The following APOBEC3G variants were observed in gnomAD, a reference collection of about 807,000 sequenced individuals.
APOBEC3G encodes apolipoprotein B mRNA editing enzyme catalytic subunit 3G.
APOBEC3G carries 44 observed loss-of-function variants against 50.0 expected under a neutral mutation model. The ratio of observed to expected loss-of-function variants is 0.88; its 90% CI spans 0.69 to 1.13. The LOEUF is 1.13. APOBEC3G is among the 50% of genes most tolerant of loss of function. APOBEC3G has a pLI of 0.00. For missense variants in APOBEC3G, 469 were observed against 492.0 expected, an observed-to-expected ratio of 0.95 and a Z score of 0.44; for synonymous variants, 156 against 175.3, an observed-to-expected ratio of 0.89 and a Z score of 0.87.
rs923440157 is a variant in APOBEC3G at position 39,086,516 on chromosome 22, C to T, written c.973C>T (p.Leu325=). The change falls in exon 6 of 8, where the codon CTG becomes TTG. Residue 325 remains leucine (L), a synonymous_variant. Transcript: ENST00000407997. ...YDDQGRCQEG[L]RTLAEAGAKI... The stretch of plus-strand genomic sequence containing the variant: ...TGATCAAGGAAGATGTCAGGAGGGG[C>T]TGCGCACCCTGGCCGAGGCTGGGGC... 1.2e-6 allele frequency: 2 copies of T among 1,612,880 alleles called. No homozygotes were observed. The highest frequency in any genetic ancestry group is 2.7e-5 in the African/African-American group (2 of 74,892).
chr22:39,086,883 T>C, intron 6 of APOBEC3G, 128 bp from the exon 7 acceptor site: 1 of 1,191,306 alleles, frequency 8.4e-7, no homozygotes, highest in Non-Finnish European at 1.2e-6. Flanking sequence ...GCTAAGTCCC[T>C]AGGGGAGGGA....
chr22:39,083,585 A>T, intron 4 of APOBEC3G, 146 bp from the exon 5 acceptor site: 2 of 917,274 alleles, frequency 2.2e-6, no homozygotes, highest in Non-Finnish European at 3.3e-6. Flanking sequence ...AGTGAGTGGG[A>T]GCCCCTTCTG....
chr22:39,077,514 C>G (rs1308647787), intron 1 of APOBEC3G, 136 bp downstream of exon 1: 14 of 1,463,574 alleles, frequency 9.6e-6, no homozygotes, highest in African/African-American at 1.4e-5. Flanking sequence ...CCCTGCACCC[C>G]CTACTCCCAG....
At chr22:39,087,367 C>T (rs753435735) in intron 7 of APOBEC3G, 40 bp from the exon 8 acceptor site, 5 of 1,613,970 alleles carry the variant, frequency 3.1e-6, no homozygotes, top group African/African-American at 1.3e-5. Context: ...ACTTTCCACT[C>T]GCTCACCCTT....
At chr22:39,080,804 G>C (rs1455587241) in intron 2 of APOBEC3G, 129 bp from the exon 3 acceptor site, 3 of 823,406 alleles carry the variant, frequency 3.6e-6, no homozygotes, top group African/African-American at 3.5e-5. Context: ...CGAACAGGGG[G>C]ATGGAGGAAA....
At chr22:39,080,855 C>A in intron 2 of APOBEC3G, 78 bp from the exon 3 acceptor site, 1 of 1,221,276 alleles carries the variant, frequency 8.2e-7, no homozygotes, top group Non-Finnish European at 1.1e-6. Flanking sequence ...CTGTCCTGGC[C>A]CCTCCTCCCC....
At chr22:39,086,724 C>T (rs1928712199) in intron 6 of APOBEC3G, among the ~76,000 whole-genome samples, 157 bp downstream of exon 6, 1 of 150,288 alleles carries the variant, frequency 6.7e-6, no homozygotes, top group Admixed American at 6.6e-5. Context: ...ACTTTGGGGT[C>T]GACGGGAAGA....
chr22:39,083,697 T>C (rs1282921884), intron 4 of APOBEC3G, 34 bp from the exon 5 acceptor site: 1 of 1,609,198 alleles, frequency 6.2e-7, no homozygotes, highest in Admixed American at 1.7e-5. Flanking sequence ...CCAGGAGGGC[T>C]CTTACTCCTC....
At position 39,081,158 on chromosome 22, in the gene APOBEC3G, G is replaced by A; in HGVS notation, c.397G>A (p.Glu133Lys). 1 of 1,614,266 alleles carries A rather than the reference G, an allele frequency of 6.2e-7. No individual in the cohort carries two copies. Among genetic ancestry groups the A allele is most frequent in the Non-Finnish European group, 8.5e-7 (1 of 1,180,054 alleles). ...CTACTTCTGGGACCCAGATTACCAG[G>A]AGGCGCTTCGCAGCCTGTGTCAGAA... is the stretch of plus-strand genomic sequence containing the variant. ...LYYFWDPDYQEALRSLCQKRD... is the reference protein window; with the variant it reads ...LYYFWDPDYQKALRSLCQKRD... The change falls in exon 3 of 8, where the codon GAG becomes AAG. Residue 133 changes from glutamate to lysine, a missense_variant. Coordinates refer to ENST00000407997, the MANE Select transcript of APOBEC3G (RefSeq NM_021822.4).
At chr22:39,078,273 A>C (rs1051798199) in intron 1 of APOBEC3G, among the ~76,000 whole-genome samples, 1 of 152,178 alleles carries the variant, frequency 6.6e-6, no homozygotes, top group African/African-American at 2.4e-5. Context: ...AGAAAAAAAA[A>C]CAAAAACAAA....
intron 3 of APOBEC3G, 41 bp from the exon 4 acceptor site, chr22:39,081,430 G>A: frequency 2.5e-6 from 4 of 1,598,698 alleles, no homozygotes; most frequent in Non-Finnish European, 3.4e-6. Context: ...ACAGAAGAGA[G>A]GCCAGCTGGG....
intron 5 of APOBEC3G, among the ~76,000 whole-genome samples, chr22:39,085,605 G>A (rs1049584537): frequency 2.6e-5 from 4 of 152,154 alleles, no homozygotes; most frequent in African/African-American, 7.2e-5. Flanking sequence ...GTAAAAATCC[G>A]GTCAGGTGTG....
At chr22:39,077,217 C>T (rs1466816508), upstream of APOBEC3G, 27 of 1,422,592 alleles carry the variant, frequency 1.9e-5, no homozygotes, top group Non-Finnish European at 2.6e-5. Flanking sequence ...TACACCAGCG[C>T]CTGAGCAGGA....
At position 39,086,538 on chromosome 22, in the gene APOBEC3G, G is replaced by C; in HGVS notation, c.995G>C (p.Gly332Ala). 6.2e-7 allele frequency: 1 copy of C among 1,609,516 alleles called. No individual in the cohort carries two copies. The highest frequency in any genetic ancestry group is 2.2e-5 in the East Asian group (1 of 44,776). ...GGGCTGCGCACCCTGGCCGAGGCTG[G>C]GGCCAAAATTTCAATAATGACATAC... ...QEGLRTLAEAGAKISIMTYSE... is the reference protein window; with the variant it reads ...QEGLRTLAEAAAKISIMTYSE... The change falls in exon 6 of 8, where the codon GGG becomes GCG. Residue 332 changes from glycine (G) to alanine (A), a missense_variant. Physicochemically the swap from Gly to Ala is moderately conservative, Grantham distance 60. Transcript: ENST00000407997.
Position 39,080,933 on chromosome 22 carries a change from G to T in APOBEC3G, c.172G>T (p.Val58Leu). 1 of 1,612,350 alleles carries T rather than the reference G, an allele frequency of 6.2e-7. No homozygotes were observed. Among genetic ancestry groups the T allele is most frequent in the Non-Finnish European group, 8.5e-7 (1 of 1,178,940 alleles). The stretch of plus-strand genomic sequence containing the variant: ...TGCCCTGACCCTGCTCCTCTCCCAG[G>T]TGTATTCCGAACTTAAGTACCACCC... Reference protein sequence around the residue: ...PLDAKIFRGQVYSELKYHPEM... With the variant: ...PLDAKIFRGQLYSELKYHPEM... The change falls in exon 3 of 8, where the codon GTG becomes TTG. Residue 58 changes from valine (V) to leucine (L), a missense_variant and splice_region_variant. Coordinates refer to ENST00000407997, the MANE Select transcript of APOBEC3G (RefSeq NM_021822.4).
rs1486509712 is a variant in APOBEC3G, at chr22:39,081,156, A to G, written c.395A>G (p.Gln132Arg). 2 of 1,614,246 alleles carry G rather than the reference A, an allele frequency of 1.2e-6. No homozygotes were observed. Among genetic ancestry groups the G allele is most frequent in the Non-Finnish European group, 1.7e-6 (2 of 1,180,052 alleles). The part of the protein sequence containing the change: ...RLYYFWDPDY[Q>R]EALRSLCQKR... ...TACTACTTCTGGGACCCAGATTACC[A>G]GGAGGCGCTTCGCAGCCTGTGTCAG... The change falls in exon 3 of 8, where the codon CAG becomes CGG. Residue 132 changes from glutamine (Q) to arginine (R), a missense_variant. Transcript: ENST00000407997.
chr22:39,077,299 G>A lies in APOBEC3G; in HGVS notation c.-63G>A. The A allele has an allele frequency of 6.4e-7, 1 of 1,554,378 alleles. No homozygotes were observed. The highest frequency in any genetic ancestry group is 2.4e-5 in the East Asian group (1 of 41,486). ...AGGGCTGTCCTAAAACCAGAAGCTTGGAGCAGAAAGTGAAACCCTGGTGCT... is the reference window on the plus strand; with the variant it reads ...AGGGCTGTCCTAAAACCAGAAGCTTAGAGCAGAAAGTGAAACCCTGGTGCT... On this transcript the variant is annotated 5_prime_UTR_variant, in exon 1 of 8. Coordinates refer to ENST00000407997, the MANE Select transcript of APOBEC3G (RefSeq NM_021822.4).
Position 39,087,496 on chromosome 22 carries a change from T to C in APOBEC3G, c.*75T>C. ...GAATAAAAGATCTTCTTCCAAGAAA[T>C]GCAAACAGGCTGTTCACCACCATCT... On this transcript the variant is annotated 3_prime_UTR_variant, in exon 8 of 8. Coordinates refer to ENST00000407997, the MANE Select transcript of APOBEC3G (RefSeq NM_021822.4). The C allele has an allele frequency of 6.2e-7, 1 of 1,612,932 alleles. No homozygotes were observed. The highest frequency in any genetic ancestry group is 8.5e-7 in the Non-Finnish European group (1 of 1,178,956).
rs1022627760 is a variant in APOBEC3G, at chr22:39,087,740, T to C, written c.*319T>C. On this transcript the variant is annotated 3_prime_UTR_variant, in exon 8 of 8. Coordinates refer to ENST00000407997, the MANE Select transcript of APOBEC3G (RefSeq NM_021822.4). ...AATAAAATGAAATACTAAATCTTTC[T>C]GTATATGTTTCCCTGTGTGATTGTA... The C allele has an allele frequency of 1.5e-5, 6 of 400,536 alleles. No individual in the cohort carries two copies. The highest frequency in any genetic ancestry group is 1.0e-4 in the African/African-American group (5 of 49,264). 24.8% of individuals were successfully genotyped at this position (400,536 alleles called of 1,614,324 possible). A position where few individuals can be genotyped will look rare whatever the true frequency, so the allele number is the denominator to read the frequency against.
Sources: gnomAD v4.1 joint callset for allele counts (sites outside exome capture counted in the v4.1 genomes callset) on GRCh38, gnomAD v4.1.1 for gene constraint, MANE v1.5 for transcripts, NCBI Gene and HGNC (gene_info 2026-07-23, HGNC 2026-07-21) for gene names.